The following TMC8 variants were observed in gnomAD, a reference collection of about 807,000 sequenced individuals.
The protein encoded by TMC8 is transmembrane channel like 8, also known as transmembrane channel-like protein 8.
In TMC8, 71 loss-of-function variants were observed where a neutral mutation model predicts 76.0. The observed-to-expected ratio is 0.93, with a 90% CI of 0.77 to 1.14. The LOEUF (loss-of-function observed/expected upper bound fraction) is 1.14. Ranked by LOEUF, TMC8 falls within the 50% of genes most tolerant of loss-of-function variation. TMC8 has a pLI of 0.00. For missense variants in TMC8, 924 were observed against 947.9 expected (o/e 0.97, Z 0.33); for synonymous variants, 433 against 433.8 (o/e 1.00, Z 0.02).
At chr17:78,137,381 C>G in intron 10 of TMC8, 23 bp downstream of exon 10, 1 of 1,613,594 alleles carries the variant, frequency 6.2e-7, no homozygotes, top group Non-Finnish European at 8.5e-7. Context: ...CCGGCGGGGC[C>G]TGTCCCTCCC....
chr17:78,140,940 G>T lies in TMC8; in HGVS notation c.2009G>T (p.Arg670Leu), dbSNP rs570863648. The T allele has an allele frequency of 3.8e-6, 6 of 1,595,208 alleles. No individual in the cohort carries two copies. The highest frequency in any genetic ancestry group is 3.3e-4 in the Middle Eastern group (2 of 5,994). ...AAGTACCCTGCCTCCCAAGCTTCGCGCCCGCAGTCCTTCTGCCCCGGATGC... is the reference window on the plus strand; with the variant it reads ...AAGTACCCTGCCTCCCAAGCTTCGCTCCCGCAGTCCTTCTGCCCCGGATGC... ...GPKYPASQAS[R>L]PQSFCPGCPC... The change falls in exon 16 of 16, where the codon CGC becomes CTC. Residue 670 changes from arginine to leucine, a missense_variant. By Grantham distance (102) the Arg-to-Leu change is moderately radical (BLOSUM62 -2). Transcript: ENST00000318430.
intron 7 of TMC8, 95 bp downstream of exon 7, chr17:78,134,095 G>T: frequency 1.3e-6 from 2 of 1,568,524 alleles, no homozygotes; most frequent in Non-Finnish European, 1.8e-6. Flanking sequence ...GCGAGCAAGT[G>T]CGACCGTGCC....
intron 15 of TMC8, among the ~76,000 whole-genome samples, chr17:78,139,546 C>G (rs2145725593): frequency 6.6e-6 from 1 of 152,134 alleles, no homozygotes; most frequent in South Asian, 2.1e-4. Flanking sequence ...CCAGCCTGGG[C>G]AACAAAGCAA....
At chr17:78,137,931 G>A (rs1050994728) in intron 11 of TMC8, 74 bp from the exon 12 acceptor site, 8 of 1,604,584 alleles carry the variant, frequency 5.0e-6, no homozygotes, top group Non-Finnish European at 6.8e-6. Context: ...GTAAGTGGCA[G>A]GCTGTGGCCA....
At position 78,132,527 on chromosome 17, in the gene TMC8, AG is replaced by A; in HGVS notation, c.448+23del. On this transcript the variant is annotated intron_variant, in intron 4 of 15. Coordinates refer to ENST00000318430, the MANE Select transcript of TMC8 (RefSeq NM_152468.5). ...AACTTGAGTGAGTGTGAGGCCCACC[AG>A]GGGAAGTGCTCCGGTGCCCACCTGC... The A allele has an allele frequency of 6.2e-7, 1 of 1,603,726 alleles. No homozygotes were observed.
intron 9 of TMC8, among the ~76,000 whole-genome samples, chr17:78,136,029 G>C (rs771836070): frequency 5.3e-5 from 8 of 152,048 alleles, no homozygotes; most frequent in Non-Finnish European, 1.0e-4. Context: ...ACTCCAGCCT[G>C]GGTGACAGAG....
Position 78,134,903 on chromosome 17 carries a change from C to T in TMC8, c.1021C>T (p.Pro341Ser). The part of the protein sequence containing the change: ...SLFLLLQYLP[P>S]GVIALVNFLG... ...GTTTCTGCTGCTCCAGTACCTGCCCCCTGGGGTCATCGCCCTGGTCAACTT... is the reference window on the plus strand; with the variant it reads ...GTTTCTGCTGCTCCAGTACCTGCCCTCTGGGGTCATCGCCCTGGTCAACTT... The change falls in exon 9 of 16, where the codon CCT (proline) becomes TCT (serine). Residue 341 changes from proline to serine, a missense_variant. Pro to Ser is a moderately conservative substitution (Grantham distance 74). Coordinates refer to ENST00000318430, the MANE Select transcript of TMC8 (RefSeq NM_152468.5). The T allele has an allele frequency of 6.2e-7, 1 of 1,614,112 alleles. No homozygotes were observed. Among genetic ancestry groups the T allele is most frequent in the Non-Finnish European group, 8.5e-7 (1 of 1,180,024 alleles).
chr17:78,133,796 G>A (rs1426123584), intron 6 of TMC8, 57 bp from the exon 7 acceptor site: 2 of 1,610,664 alleles, frequency 1.2e-6, no homozygotes, highest in African/African-American at 2.7e-5. Context: ...AGCCAAGGCT[G>A]AGGCTGGATG....
chr17:78,140,368 G>C (rs935005524), intron 15 of TMC8, among the ~76,000 whole-genome samples: 3 of 152,196 alleles, frequency 2.0e-5, no homozygotes, highest in African/African-American at 7.2e-5. Flanking sequence ...GGGGCCAGGG[G>C]CTTAATGGAG....
At chr17:78,136,684 C>G (rs1387495214) in intron 9 of TMC8, 1 of 188,796 alleles carries the variant, frequency 5.3e-6, no homozygotes, top group African/African-American at 2.4e-5. Context: ...GCTTCTCCAC[C>G]GCAGGGCTTG....
intron 9 of TMC8, among the ~76,000 whole-genome samples, chr17:78,135,380 C>A (rs1462569169): frequency 6.6e-6 from 1 of 152,162 alleles, no homozygotes; most frequent in Non-Finnish European, 1.5e-5. Flanking sequence ...TCACGTGACC[C>A]GTGAAGTCCA....
chr17:78,137,404 A>G (rs747237749), intron 10 of TMC8, 46 bp downstream of exon 10: 2 of 1,612,450 alleles, frequency 1.2e-6, no homozygotes, highest in Non-Finnish European at 1.7e-6. Context: ...CCTTCTCCCC[A>G]AAAAGCTCAC....
chr17:78,137,846 G>A (rs1027256903), intron 11 of TMC8, 32 bp downstream of exon 11: 35 of 1,608,220 alleles, frequency 2.2e-5, no homozygotes, highest in Non-Finnish European at 2.8e-5. Context: ...CCAGAAGGGC[G>A]GGGGTGCCGC....
In TMC8 at chr17:78,141,120, C is replaced by T. The variant is rs757542512; in HGVS notation, c.*8C>T. 9.1e-6 allele frequency: 14 copies of T among 1,538,400 alleles called. No individual in the cohort carries two copies. The highest frequency in any genetic ancestry group is 5.7e-5 in the Admixed American group (3 of 52,198). ...AGCGGCGCGGAGCTGTAACCCCTAC[C>T]CCTGCCTCCCCGAAGCCTCCCTGGG... On this transcript the variant is annotated 3_prime_UTR_variant, in exon 16 of 16. Transcript: ENST00000318430.
At chr17:78,137,543 C>T in intron 10 of TMC8, 174 bp from the exon 11 acceptor site, 1 of 1,210,226 alleles carries the variant, frequency 8.3e-7, no homozygotes, top group South Asian at 1.2e-5. Context: ...TGTGGCTGCC[C>T]TGGCTGTGGG....
chr17:78,131,544 C>A lies in TMC8; in HGVS notation c.-45C>A. ...CATCCAACCGGGGACTCATATCCCC[C>A]CCACCGGCAGCCCGGCGCCCCAGCC... On this transcript the variant is annotated 5_prime_UTR_variant, in exon 2 of 16. Coordinates refer to ENST00000318430, the MANE Select transcript of TMC8 (RefSeq NM_152468.5). The A allele has an allele frequency of 6.5e-7, 1 of 1,537,118 alleles. No homozygotes were observed. The highest frequency in any genetic ancestry group is 8.7e-7 in the Non-Finnish European group (1 of 1,146,330).
At position 78,138,067 on chromosome 17, in the gene TMC8, T is replaced by A. The variant is rs1272856492; in HGVS notation, c.1412T>A (p.Val471Asp). 1 of 1,613,852 alleles carries A rather than the reference T, an allele frequency of 6.2e-7. No homozygotes were observed. Among genetic ancestry groups the A allele is most frequent in the African/African-American group, 1.3e-5 (1 of 74,878 alleles). Reference protein sequence around the residue: ...WAWLEREEFLVPKNVLDIVAG... With the variant: ...WAWLEREEFLDPKNVLDIVAG... Reference sequence around the variant, plus strand: ...TGGCTGGAACGGGAGGAGTTCCTGGTCCCCAAGAATGTGCTGGACATCGTG... The same window carrying A: ...TGGCTGGAACGGGAGGAGTTCCTGGACCCCAAGAATGTGCTGGACATCGTG... The change falls in exon 12 of 16, where the codon GTC becomes GAC. Residue 471 changes from valine (V) to aspartate (D), a missense_variant. Transcript: ENST00000318430.
chr17:78,136,746 G>C, intron 9 of TMC8: 1 of 295,176 alleles, frequency 3.4e-6, no homozygotes. Context: ...GGACTGTGCA[G>C]TGTTTCTCAA....
intron 3 of TMC8, 92 bp from the exon 4 acceptor site, chr17:78,132,267 C>G (rs972949015): frequency 1.3e-6 from 2 of 1,511,844 alleles, no homozygotes; most frequent in Middle Eastern, 3.8e-4. Flanking sequence ...TGGCGGGCAC[C>G]CCACGCCGTC....
Sources: gnomAD v4.1 joint callset for allele counts (sites outside exome capture counted in the v4.1 genomes callset) on GRCh38, gnomAD v4.1.1 for gene constraint, MANE v1.5 for transcripts, NCBI Gene and HGNC (gene_info 2026-07-23, HGNC 2026-07-21) for gene names.